ME1: variants seen among roughly 807,000 people sequenced by gnomAD.
ME1 encodes malic enzyme 1.
Under a neutral mutation model 66.4 loss-of-function variants are expected in ME1, and 74 were observed. That is an observed-to-expected ratio of 1.11 (90% CI 0.92 to 1.35). ME1 has a LOEUF of 1.35. ME1 is among the 40% of genes most tolerant of loss of function. The pLI is 0.00. For synonymous variants in ME1, 251 were observed against 235.6 expected (o/e 1.07, Z -0.60); for missense variants, 750 against 694.1 (o/e 1.08, Z -0.90).
At chr6:83,387,639 T>C (rs894727435) in intron 3 of ME1, among the ~76,000 whole-genome samples, 1 of 152,158 alleles carries the variant, frequency 6.6e-6, no homozygotes, top group African/African-American at 2.4e-5. Flanking sequence ...ATTTAAATAA[T>C]GAATACTCTA....
Position 83,354,749 on chromosome 6 carries a change from G to A in ME1, c.363-2610C>T, listed in dbSNP as rs577825472. Among the ~76,000 whole-genome samples the A allele has an allele frequency of 3.3e-5, 5 of 152,260 alleles. No individual in the cohort carries two copies. The South Asian group carries it at 1.0e-3, about 32-fold the overall frequency. ...CGTACATGTACACACAAAGCAGCAA[G>A]GTGCTTAAGTACAAAGAATCTCTAT... On this transcript the variant is annotated intron_variant, in intron 3 of 13. Coordinates refer to ENST00000369705, the MANE Select transcript of ME1 (RefSeq NM_002395.6).
chr6:83,379,899 G>C (rs1769363827), intron 3 of ME1, among the ~76,000 whole-genome samples: 1 of 152,070 alleles, frequency 6.6e-6, no homozygotes, highest in South Asian at 2.1e-4. Flanking sequence ...AAAGGTTTAA[G>C]AGGGAACATT....
chr6:83,224,693 A>AT (rs1386003433), intron 11 of ME1, among the ~76,000 whole-genome samples: 2 of 135,886 alleles, frequency 1.5e-5, no homozygotes, highest in African/African-American at 3.3e-5. Flanking sequence ...CAAAAAAAAA[A>AT]AAAATAAAAA....
At chr6:83,344,386 T>A (rs1368294602) in intron 5 of ME1, among the ~76,000 whole-genome samples, 1 of 152,096 alleles carries the variant, frequency 6.6e-6, no homozygotes, top group African/African-American at 2.4e-5. Context: ...TAAGATATAT[T>A]ACATATTTTT....
At chr6:83,319,166 G>A (rs1008781989) in intron 5 of ME1, among the ~76,000 whole-genome samples, 2 of 149,284 alleles carry the variant, frequency 1.3e-5, no homozygotes, top group Non-Finnish European at 1.5e-5. Context: ...GGTCAGGGGA[G>A]GGGGGAGGGA....
At chr6:83,287,575 C>T (rs1562470039) in intron 6 of ME1, among the ~76,000 whole-genome samples, 2 of 152,124 alleles carry the variant, frequency 1.3e-5, no homozygotes, top group Admixed American at 6.5e-5. Context: ...TGGGTTGGTT[C>T]CAAGTCTTTG....
intron 3 of ME1, among the ~76,000 whole-genome samples, chr6:83,384,366 G>T (rs1769469970): frequency 6.6e-6 from 1 of 151,680 alleles, no homozygotes; most frequent in African/African-American, 2.4e-5. Context: ...TAGTCATTGT[G>T]ACTGGTGTGA....
intron 1 of ME1, among the ~76,000 whole-genome samples, chr6:83,421,818 A>G (rs538247437): frequency 6.6e-6 from 1 of 152,306 alleles, no homozygotes; most frequent in East Asian, 1.9e-4. Flanking sequence ...GGGATGGCAG[A>G]AGCAATAACC....
chr6:83,298,414 G>T (rs1269667653), intron 6 of ME1, among the ~76,000 whole-genome samples: 7 of 150,490 alleles, frequency 4.7e-5, no homozygotes, highest in African/African-American at 1.7e-4. Context: ...GGGGCTGTGT[G>T]TTTTTTTTTA....
intron 3 of ME1, among the ~76,000 whole-genome samples, chr6:83,394,388 T>C (rs1264063331): frequency 1.3e-5 from 2 of 152,296 alleles, no homozygotes; most frequent in East Asian, 3.9e-4. Context: ...TTACAAATTA[T>C]ATGAATGTAT....
At position 83,332,312 on chromosome 6, in the gene ME1, G is replaced by A. The variant is rs555365688; in HGVS notation, c.600+13861C>T. Among the ~76,000 whole-genome samples the A allele has an allele frequency of 2.6e-4, 39 of 152,282 alleles. No individual in the cohort carries two copies. The South Asian group carries it at 5.8e-3, about 23-fold the overall frequency. ...AAACTTATACACTGTTATTGAGAAT[G>A]TAAATTAGTATATCATCTATGGAAA... is the stretch of plus-strand genomic sequence containing the variant. On this transcript the variant is annotated intron_variant, in intron 5 of 13. Coordinates refer to ENST00000369705, the MANE Select transcript of ME1 (RefSeq NM_002395.6).
chr6:83,387,962 T>A (rs1208567631), intron 3 of ME1, among the ~76,000 whole-genome samples: 1 of 152,118 alleles, frequency 6.6e-6, no homozygotes, highest in Non-Finnish European at 1.5e-5. Context: ...AAGTTCCAGA[T>A]CCATATATTT....
intron 1 of ME1, among the ~76,000 whole-genome samples, chr6:83,413,249 C>T (rs1018741303): frequency 1.3e-3 from 191 of 152,214 alleles, no homozygotes; most frequent in African/African-American, 4.5e-3. Flanking sequence ...TGAGCTCAAG[C>T]GATCTGCCTG....
At chr6:83,248,431 C>G (rs541284286) in intron 7 of ME1, among the ~76,000 whole-genome samples, 1 of 152,190 alleles carries the variant, frequency 6.6e-6, no homozygotes, top group African/African-American at 2.4e-5. Flanking sequence ...GTGTTTGTAG[C>G]GCCAAAGGCA....
In ME1 at chr6:83,283,738, G is replaced by T. The variant is rs564408608; in HGVS notation, c.705-30000C>A. On this transcript the variant is annotated intron_variant, in intron 6 of 13. Transcript: ENST00000369705. ...TAAACAACCTGAAAAATAGATTTGA[G>T]GGAATAATTCAAGAAAATTTCCCTA... is the stretch of plus-strand genomic sequence containing the variant. Among the ~76,000 whole-genome samples the T allele has an allele frequency of 3.3e-5, 5 of 152,224 alleles. No homozygotes were observed. The South Asian group carries it at 1.0e-3, about 32-fold the overall frequency.
intron 2 of ME1, among the ~76,000 whole-genome samples, chr6:83,404,307 G>C (rs910408174): frequency 6.6e-6 from 1 of 152,094 alleles, no homozygotes; most frequent in Non-Finnish European, 1.5e-5. Context: ...GTCTTCTTTT[G>C]AGAAGTGTCC....
rs531705708 is a variant in ME1, at chr6:83,365,125, T to C, written c.363-12986A>G. ...TCTTTTTTTTGAGACAAAGTATCGC[T>C]CTTGTTGCCCAGGCTGGAGTGCAGC... On this transcript the variant is annotated intron_variant, in intron 3 of 13. Coordinates refer to ENST00000369705, the MANE Select transcript of ME1 (RefSeq NM_002395.6). 8.4e-4 allele frequency among the ~76,000 whole-genome samples: 128 copies of C among 152,112 alleles called. 1 individual carries two copies. The highest frequency in any genetic ancestry group is 1.4e-3 in the Non-Finnish European group (93 of 68,020).
chr6:83,333,202 A>C (rs901305989), intron 5 of ME1, among the ~76,000 whole-genome samples: 1 of 152,234 alleles, frequency 6.6e-6, no homozygotes, highest in African/African-American at 2.4e-5. Flanking sequence ...TCTGGATAAG[A>C]AACTAAGTGA....
intron 3 of ME1, among the ~76,000 whole-genome samples, chr6:83,373,218 A>G (rs1367894357): frequency 6.7e-6 from 1 of 150,218 alleles, no homozygotes; most frequent in Non-Finnish European, 1.5e-5. Flanking sequence ...CCACCAAACC[A>G]AGCATTTTTA....
Sources: gnomAD v4.1 joint callset for allele counts (sites outside exome capture counted in the v4.1 genomes callset) on GRCh38, gnomAD v4.1.1 for gene constraint, MANE v1.5 for transcripts, NCBI Gene and HGNC (gene_info 2026-07-23, HGNC 2026-07-21) for gene names.